ACTL6A: variants seen among roughly 807,000 people sequenced by gnomAD.
ACTL6A encodes the protein actin-like protein 6A.
A neutral mutation model predicts 59.2 loss-of-function variants in ACTL6A; 5 were observed. The ratio of observed to expected loss-of-function variants is 0.08; its 90% CI spans 0.04 to 0.18. The LOEUF is 0.18. Ranked by LOEUF, ACTL6A falls within the 10% of genes least tolerant of loss-of-function variation. The pLI is 1.00. For synonymous variants in ACTL6A, 154 were observed against 171.8 expected (o/e 0.90, Z 0.81); for missense variants, 285 against 526.9 (o/e 0.54, Z 4.49).
chr3:179,576,963 A>G (rs1718186047), intron 8 of ACTL6A, 50 bp downstream of exon 8: 2 of 1,497,384 alleles, frequency 1.3e-6, no homozygotes, highest in African/African-American at 2.8e-5. Flanking sequence ...TTTTTGCATG[A>G]GTATTAAAAA....
chr3:179,583,930 C>A (rs1718407282), intron 12 of ACTL6A, among the ~76,000 whole-genome samples: 1 of 152,126 alleles, frequency 6.6e-6, no homozygotes, highest in Admixed American at 6.5e-5. Context: ...AAACCATTTA[C>A]AAAAATACTA....
chr3:179,585,136 C>G (rs1560015060), intron 12 of ACTL6A, among the ~76,000 whole-genome samples: 1 of 152,086 alleles, frequency 6.6e-6, no homozygotes, highest in East Asian at 1.9e-4. Context: ...GAGTCTTGCT[C>G]TTGTCCCCTA....
At chr3:179,586,478 A>G (rs12635617) in intron 12 of ACTL6A, 68 bp from the exon 13 acceptor site, 93,346 of 1,198,014 alleles carry the variant, frequency 0.078, 4,901 homozygotes, top group South Asian at 0.15. Context: ...AAAAAAAAAA[A>G]AAAAAAAAGA....
At chr3:179,567,040 A>C (rs555478092) in intron 1 of ACTL6A, among the ~76,000 whole-genome samples, 87 of 152,298 alleles carry the variant, frequency 5.7e-4, no homozygotes, top group Admixed American at 9.2e-4. Context: ...ACCCAATCTA[A>C]TGATTTCATT....
intron 1 of ACTL6A, among the ~76,000 whole-genome samples, chr3:179,567,104 G>A (rs764438572): frequency 2.6e-5 from 4 of 152,026 alleles, no homozygotes; most frequent in Non-Finnish European, 5.9e-5. Flanking sequence ...GGTAGCTCAC[G>A]TCTATAATCC....
intron 1 of ACTL6A, among the ~76,000 whole-genome samples, chr3:179,565,529 G>T (rs1260263910): frequency 6.8e-6 from 1 of 147,306 alleles, no homozygotes; most frequent in Non-Finnish European, 1.5e-5. Flanking sequence ...TAGTGCAAAG[G>T]TAGCTCAGAG....
At chr3:179,586,907 T>A (rs988471155) in intron 13 of ACTL6A, among the ~76,000 whole-genome samples, 1 of 152,152 alleles carries the variant, frequency 6.6e-6, no homozygotes, top group Non-Finnish European at 1.5e-5. Flanking sequence ...AATACCCCCA[T>A]TGGCACTGGT....
chr3:179,572,461 A>C (rs1485110709), intron 3 of ACTL6A, among the ~76,000 whole-genome samples: 1 of 152,214 alleles, frequency 6.6e-6, no homozygotes, highest in Admixed American at 6.5e-5. Context: ...CATAATTTAG[A>C]GAAGTCAGAT....
At chr3:179,585,177 A>G (rs1278798296) in intron 12 of ACTL6A, among the ~76,000 whole-genome samples, 1 of 152,126 alleles carries the variant, frequency 6.6e-6, no homozygotes, top group Admixed American at 6.5e-5. Context: ...ATATCAGCTC[A>G]CTGTAACCTC....
chr3:179,565,404 T>TA (rs1469570176), intron 1 of ACTL6A, among the ~76,000 whole-genome samples: 11 of 144,638 alleles, frequency 7.6e-5, no homozygotes, highest in African/African-American at 1.7e-4. Context: ...GACTCTATCC[T>TA]AAAAAAAACA....
intron 13 of ACTL6A, 71 bp downstream of exon 13, chr3:179,586,703 T>C (rs1304449395): frequency 2.9e-5 from 35 of 1,220,418 alleles, no homozygotes; most frequent in Non-Finnish European, 3.7e-5. Context: ...ATACAAAAAA[T>C]AATTCCAGTG....
In ACTL6A at chr3:179,574,485, A is replaced by T; in HGVS notation, c.476+18A>T. The stretch of plus-strand genomic sequence containing the variant: ...TTGACAGCGTATCCTTGAAAGAGTA[A>T]TACCTTTCCTCTTGAAGTATGTACG... On this transcript the variant is annotated intron_variant, in intron 5 of 13. Transcript: ENST00000429709. The T allele has an allele frequency of 6.7e-7, 1 of 1,484,176 alleles. No individual in the cohort carries two copies. The highest frequency in any genetic ancestry group is 9.4e-7 in the Non-Finnish European group (1 of 1,062,054). 91.9% of individuals were successfully genotyped at this position (1,484,176 alleles called of 1,614,324 possible). A position where few individuals can be genotyped will look rare whatever the true frequency, so the allele number is the denominator to read the frequency against.
At chr3:179,583,237 C>A in intron 11 of ACTL6A, 116 bp from the exon 12 acceptor site, 1 of 765,898 alleles carries the variant, frequency 1.3e-6, no homozygotes. Context: ...AATAGTAAAA[C>A]ATTTCCAAAA....
intron 1 of ACTL6A, among the ~76,000 whole-genome samples, chr3:179,567,713 G>A (rs1366050216): frequency 1.3e-5 from 2 of 152,180 alleles, no homozygotes; most frequent in East Asian, 3.8e-4. Flanking sequence ...TTTAGGTGCT[G>A]TGGTGAAAAC....
chr3:179,572,199 A>T (rs1718028004), intron 3 of ACTL6A, among the ~76,000 whole-genome samples: 1 of 152,218 alleles, frequency 6.6e-6, no homozygotes, highest in African/African-American at 2.4e-5. Context: ...AATAAAAGGT[A>T]CCCTTGAAGG....
intron 1 of ACTL6A, among the ~76,000 whole-genome samples, chr3:179,565,517 T>C (rs1213904005): frequency 1.3e-5 from 2 of 150,640 alleles, no homozygotes; most frequent in Non-Finnish European, 3.0e-5. Flanking sequence ...TATACATATA[T>C]ATAGTGCAAA....
chr3:179,577,144 A>C (rs1718192326), intron 8 of ACTL6A, among the ~76,000 whole-genome samples: 1 of 152,262 alleles, frequency 6.6e-6, no homozygotes. Context: ...TTTCTGTGAG[A>C]GGCATGCTTT....
At chr3:179,585,492 T>C (rs1290550627) in intron 12 of ACTL6A, among the ~76,000 whole-genome samples, 2 of 152,184 alleles carry the variant, frequency 1.3e-5, no homozygotes, top group African/African-American at 4.8e-5. Flanking sequence ...AGTTAGAAAC[T>C]ATCCTTGTCC....
intron 3 of ACTL6A, among the ~76,000 whole-genome samples, chr3:179,572,230 G>A (rs769387245): frequency 2.6e-5 from 4 of 151,808 alleles, no homozygotes; most frequent in Admixed American, 1.3e-4. Context: ...GGAACAATTA[G>A]GGATGTAGGA....
Sources: gnomAD v4.1 joint callset for allele counts (sites outside exome capture counted in the v4.1 genomes callset) on GRCh38, gnomAD v4.1.1 for gene constraint, MANE v1.5 for transcripts, NCBI Gene and HGNC (gene_info 2026-07-23, HGNC 2026-07-21) for gene names.